SORBS2: variants seen among roughly 807,000 people sequenced by gnomAD.
SORBS2 encodes the protein sorbin and SH3 domain-containing protein 2.
In SORBS2, 46 loss-of-function variants were observed where a neutral mutation model predicts 97.7. The observed-to-expected ratio is 0.47, with a 90% confidence interval of 0.37 to 0.60. The LOEUF (loss-of-function observed/expected upper bound fraction) is 0.60. Among genes scored for constraint, SORBS2 ranks in the 20% least tolerant of loss-of-function variants. The probability of loss-of-function intolerance (pLI) is 0.00; values close to 1 mark genes in which losing one functional copy is unlikely to be tolerated. For synonymous variants in SORBS2, 476 were observed against 473.4 expected, an observed-to-expected ratio of 1.01 and a Z score of -0.07; for missense variants, 1,316 against 1,282.3, an observed-to-expected ratio of 1.03 and a Z score of -0.40.
chr4:185,912,033 T>C (rs1333186499), intron 1 of SORBS2, among the ~76,000 whole-genome samples: 1 of 152,228 alleles, frequency 6.6e-6, no homozygotes, highest in Non-Finnish European at 1.5e-5. Flanking sequence ...TCAGAAGAGC[T>C]GGACTTTGTA....
chr4:185,752,195 T>C (rs1047560037), intron 2 of SORBS2, among the ~76,000 whole-genome samples: 2 of 152,162 alleles, frequency 1.3e-5, no homozygotes, highest in African/African-American at 4.8e-5. Flanking sequence ...ATGCATTTAT[T>C]AAAAACAAAT....
chr4:185,775,184 A>G (rs2098994103), intron 2 of SORBS2, 43 bp downstream of exon 2: 3 of 152,688 alleles, frequency 2.0e-5, no homozygotes, highest in East Asian at 1.9e-4. Context: ...AGTTATGAAC[A>G]TACCAGAAAA....
At chr4:185,866,985 T>C (rs2099227216) in intron 1 of SORBS2, among the ~76,000 whole-genome samples, 1 of 151,956 alleles carries the variant, frequency 6.6e-6, no homozygotes, top group Non-Finnish European at 1.5e-5. Flanking sequence ...TACTAAAATA[T>C]TAAAGGTTTA....
intron 1 of SORBS2, among the ~76,000 whole-genome samples, chr4:185,818,553 C>A (rs966436991): frequency 3.3e-5 from 5 of 152,128 alleles, no homozygotes; most frequent in African/African-American, 1.2e-4. Flanking sequence ...GAACTGAGAA[C>A]ATTCTTCTGG....
At chr4:185,880,047 T>A (rs1030484390) in intron 1 of SORBS2, among the ~76,000 whole-genome samples, 8 of 152,064 alleles carry the variant, frequency 5.3e-5, no homozygotes, top group African/African-American at 1.4e-4. Flanking sequence ...GTTTGGCGAG[T>A]GATGTGAATT....
chr4:185,649,387 C>T (rs1407118718), intron 3 of SORBS2, 80 bp downstream of exon 12: 8 of 1,198,118 alleles, frequency 6.7e-6, no homozygotes, highest in South Asian at 1.7e-5. Flanking sequence ...GGCAGGTGCA[C>T]TGATTCTTCT....
rs558264010 is a variant in SORBS2 at position 185,911,368 on chromosome 4, C to T, written c.-338+44828G>A. On this transcript the variant is annotated intron_variant, in intron 1 of 20. Transcript: ENST00000284776. ...TCAGCCTCCTGAGTAGCTGGAGCTACAGGTGTGCACCACCATGCCTGGCTA... is the reference window on the plus strand; with the variant it reads ...TCAGCCTCCTGAGTAGCTGGAGCTATAGGTGTGCACCACCATGCCTGGCTA... Among the ~76,000 whole-genome samples the T allele has an allele frequency of 6.2e-4, 95 of 152,248 alleles. 1 individual carries two copies. Among genetic ancestry groups the T allele is most frequent in the African/African-American group, 2.3e-3 (94 of 41,538 alleles).
At chr4:185,766,578 TG>T (rs2098935379) in intron 2 of SORBS2, among the ~76,000 whole-genome samples, 1 of 152,254 alleles carries the variant, frequency 6.6e-6, no homozygotes, top group Non-Finnish European at 1.5e-5. Context: ...TTGAGTGTTT[TG>T]AAAATTAACA....
chr4:185,610,933 C>G (rs539830887), intron 12 of SORBS2, among the ~76,000 whole-genome samples: 1 of 152,010 alleles, frequency 6.6e-6, no homozygotes, highest in Non-Finnish European at 1.5e-5. Context: ...CCCTTACATG[C>G]CTTTCATAAA....
chr4:185,747,712 G>C (rs997059551), intron 2 of SORBS2, among the ~76,000 whole-genome samples: 1 of 152,124 alleles, frequency 6.6e-6, no homozygotes, highest in Non-Finnish European at 1.5e-5. Flanking sequence ...TGAAAAATTG[G>C]CCTTTGCTCG....
chr4:185,844,285 A>G (rs983095831), intron 1 of SORBS2, among the ~76,000 whole-genome samples: 2 of 152,194 alleles, frequency 1.3e-5, no homozygotes, highest in African/African-American at 4.8e-5. Flanking sequence ...CCAATTCAAA[A>G]ATGGGCAAAG....
intron 1 of SORBS2, among the ~76,000 whole-genome samples, chr4:185,931,794 G>C (rs1178643418): frequency 1.8e-5 from 2 of 112,138 alleles, no homozygotes; most frequent in Non-Finnish European, 3.7e-5. Flanking sequence ...AAAAAGACAG[G>C]AGAGGCAGAG....
At chr4:185,728,986 T>G (rs2153568827) in intron 2 of SORBS2, among the ~76,000 whole-genome samples, 1 of 152,366 alleles carries the variant, frequency 6.6e-6, no homozygotes, top group South Asian at 2.1e-4. Context: ...TCTTCTTCCT[T>G]AGCTGTCAAA....
chr4:185,721,862 C>A (rs1434304563), intron 2 of SORBS2, among the ~76,000 whole-genome samples: 1 of 152,182 alleles, frequency 6.6e-6, no homozygotes. Context: ...TAATTAGGCC[C>A]TGTGTTGCTC....
chr4:185,914,906 G>C (rs2099257240), intron 1 of SORBS2, among the ~76,000 whole-genome samples: 1 of 152,146 alleles, frequency 6.6e-6, no homozygotes, highest in African/African-American at 2.4e-5. Flanking sequence ...GACTTTATGG[G>C]GTCGTTTGAT....
intron 7 of SORBS2, among the ~76,000 whole-genome samples, chr4:185,620,863 A>G (rs2153419978): frequency 6.6e-6 from 1 of 152,386 alleles, no homozygotes; most frequent in East Asian, 1.9e-4. Flanking sequence ...AGAAAGCATC[A>G]TGTCAGTTGC....
At chr4:185,906,056 C>T (rs781215424) in intron 1 of SORBS2, among the ~76,000 whole-genome samples, 7 of 152,042 alleles carry the variant, frequency 4.6e-5, no homozygotes, top group East Asian at 1.9e-4. Context: ...TTTTTTGAGA[C>T]GGAGTCTCGC....
chr4:185,824,598 G>A (rs546546650), intron 1 of SORBS2, among the ~76,000 whole-genome samples: 38 of 152,212 alleles, frequency 2.5e-4, no homozygotes, highest in African/African-American at 8.2e-4. Flanking sequence ...CCAACTCAGG[G>A]ACAACTCAAC....
At chr4:185,749,083 T>C (rs1188210885) in intron 2 of SORBS2, among the ~76,000 whole-genome samples, 1 of 152,174 alleles carries the variant, frequency 6.6e-6, no homozygotes, top group Non-Finnish European at 1.5e-5. Flanking sequence ...CAAGAACCTT[T>C]TAGGGAACTC....
Sources: gnomAD v4.1 joint callset for allele counts (sites outside exome capture counted in the v4.1 genomes callset) on GRCh38, gnomAD v4.1.1 for gene constraint, MANE v1.5 for transcripts, NCBI Gene and HGNC (gene_info 2026-07-23, HGNC 2026-07-21) for gene names.